ITLN1: variants seen among roughly 807,000 people sequenced by gnomAD.
ITLN1 encodes intelectin-1.
A neutral mutation model predicts 36.2 loss-of-function variants in ITLN1; 29 were observed. The ratio of observed to expected loss-of-function variants is 0.80; its 90% CI spans 0.60 to 1.09. ITLN1 has a LOEUF of 1.09. Among genes scored for constraint, ITLN1 ranks in the 50% least tolerant of loss-of-function variants. The pLI, the probability that ITLN1 is intolerant of heterozygous loss-of-function variation, is 0.00. For missense variants in ITLN1, 358 were observed against 405.2 expected (o/e 0.88, Z 1.00); for synonymous variants, 143 against 146.5 (o/e 0.98, Z 0.17).
intron 4 of ITLN1, chr1:160,881,621 C>A (rs1670679480): frequency 1.0e-5 from 5 of 487,456 alleles, no homozygotes; most frequent in Non-Finnish European, 1.8e-5. Context: ...CGAGCCTGGC[C>A]AACATGGTGA....
intron 3 of ITLN1, 110 bp downstream of exon 3, chr1:160,883,318 A>G (rs1453395630): frequency 4.5e-6 from 3 of 672,676 alleles, no homozygotes; most frequent in Non-Finnish European, 7.7e-6. Flanking sequence ...TATGTAAATT[A>G]TAATATACAT....
Position 160,881,918 on chromosome 1 carries a change from T to C in ITLN1, c.405+39A>G, listed in dbSNP as rs755315530. The C allele has an allele frequency of 3.8e-6, 6 of 1,585,824 alleles. No individual in the cohort carries two copies. In the South Asian group the frequency reaches 6.6e-5, roughly 18 times the overall value. ...AGGCTTGTGGCCAGCCACACTCCAC[T>C]CCTCACCCTCACCCGAGTGGGTAAG... is the stretch of plus-strand genomic sequence containing the variant. On this transcript the variant is annotated intron_variant, in intron 4 of 7. Coordinates refer to ENST00000326245, the MANE Select transcript of ITLN1 (RefSeq NM_017625.3).
chr1:160,884,704 T>C, intron 2 of ITLN1, 116 bp downstream of exon 2: 1 of 711,742 alleles, frequency 1.4e-6, no homozygotes, highest in Non-Finnish European at 2.5e-6. Context: ...CGGCACTCAG[T>C]CTACATGCAA....
Position 160,879,299 on chromosome 1 carries a change from A to G in ITLN1, c.789+12T>C, listed in dbSNP as rs959134636. On this transcript the variant is annotated intron_variant, in intron 7 of 7. Transcript: ENST00000326245. ...TTACTCACAGGTCCCTGCAGTCCCCACAGAGACTCACGTGCTCAGTGTTAC... is the reference window on the plus strand; with the variant it reads ...TTACTCACAGGTCCCTGCAGTCCCCGCAGAGACTCACGTGCTCAGTGTTAC... 3.7e-6 allele frequency: 6 copies of G among 1,602,842 alleles called. No homozygotes were observed. In the Admixed American group the frequency reaches 1.0e-4, roughly 27 times the overall value.
intron 3 of ITLN1, 83 bp from the exon 4 acceptor site, chr1:160,882,287 C>T (rs1319744516): frequency 6.7e-7 from 1 of 1,502,962 alleles, no homozygotes; most frequent in Non-Finnish European, 8.9e-7. Flanking sequence ...GCCCTAGGAA[C>T]CAGAGACATG....
At chr1:160,879,501 G>T in intron 6 of ITLN1, 87 bp from the exon 7 acceptor site, 1 of 1,003,606 alleles carries the variant, frequency 1.0e-6, no homozygotes, top group Non-Finnish European at 1.6e-6. Context: ...CGATGCCAAA[G>T]CTCAGGCTAC....
chr1:160,884,951 G>T, intron 1 of ITLN1, 68 bp from the exon 2 acceptor site: 1 of 1,024,418 alleles, frequency 9.8e-7, no homozygotes, highest in African/African-American at 1.6e-5. Flanking sequence ...CCCCACCCCT[G>T]TCCAGTCTTA....
In ITLN1 at chr1:160,880,675, A is replaced by G. The variant is rs753947148; in HGVS notation, c.598T>C (p.Trp200Arg). 4.5e-5 allele frequency: 72 copies of G among 1,614,048 alleles called. 1 individual carries two copies. The highest frequency in any genetic ancestry group is 1.6e-4 in the Middle Eastern group (1 of 6,084). The change falls in exon 6 of 8, where the codon TGG (tryptophan) becomes CGG (arginine). Residue 200 changes from tryptophan to arginine, a missense_variant. Coordinates refer to ENST00000326245, the MANE Select transcript of ITLN1 (RefSeq NM_017625.3). The stretch of plus-strand genomic sequence containing the variant: ...GGGATCACCGGGCCGTTGTCAGTCC[A>G]ACACTTTCCTTCTCCATATTTCACT... The part of the protein sequence containing the change: ...YPVKYGEGKC[W>R]TDNGPVIPVV...
chr1:160,882,300 C>T (rs1037317996), intron 3 of ITLN1, 96 bp from the exon 4 acceptor site: 8 of 1,470,290 alleles, frequency 5.4e-6, no homozygotes, highest in Non-Finnish European at 5.5e-6. Flanking sequence ...GAGACATGGC[C>T]TAAAGGCTCC....
At chr1:160,882,315 C>CCTG in intron 3 of ITLN1, 111 bp from the exon 4 acceptor site, 1 of 1,390,942 alleles carries the variant, frequency 7.2e-7, no homozygotes, top group South Asian at 1.5e-5. Flanking sequence ...GGCTCCTGTC[C>CCTG]TGACTCACAT....
chr1:160,883,548 T>C, intron 2 of ITLN1, 22 bp from the exon 3 acceptor site: 1 of 1,528,252 alleles, frequency 6.5e-7, no homozygotes. Context: ...ACAGGGTTTA[T>C]TCTCATTCCC....
At chr1:160,882,306 G>T (rs1670694439) in intron 3 of ITLN1, 102 bp from the exon 4 acceptor site, 3 of 1,450,750 alleles carry the variant, frequency 2.1e-6, no homozygotes, top group Non-Finnish European at 2.8e-6. Flanking sequence ...TGGCCTAAAG[G>T]CTCCTGTCCT....
chr1:160,876,632 AG>A lies in ITLN1; in HGVS notation c.*31del. On this transcript the variant is annotated 3_prime_UTR_variant, in exon 8 of 8. Coordinates refer to ENST00000326245, the MANE Select transcript of ITLN1 (RefSeq NM_017625.3). The stretch of plus-strand genomic sequence containing the variant: ...CCATCCTTGGGATCTCATGGTTGGG[AG>A]GAGAGGTCTGGGTTCCCTCCCACAA... 6.2e-7 allele frequency: 1 copy of A among 1,611,224 alleles called. No homozygotes were observed. The highest frequency in any genetic ancestry group is 1.1e-5 in the South Asian group (1 of 90,840).
rs1670641787 is a variant in ITLN1 at position 160,879,333 on chromosome 1, A to G, written c.767T>C (p.Val256Ala). 6.2e-7 allele frequency: 1 copy of G among 1,613,958 alleles called. No homozygotes were observed. The highest frequency in any genetic ancestry group is 1.3e-5 in the African/African-American group (1 of 74,990). ...AANALCAGMR[V>A]TGCNTEHHCI... ...CACGTGCTCAGTGTTACATCCGGTG[A>G]CCCTCATTCCAGCACACAAGGCGTT... The change falls in exon 7 of 8, where the codon GTC becomes GCC. Residue 256 changes from valine (V) to alanine (A), a missense_variant. Transcript: ENST00000326245.
chr1:160,880,016 T>C (rs1237634832), intron 6 of ITLN1, among the ~76,000 whole-genome samples: 2 of 152,084 alleles, frequency 1.3e-5, no homozygotes, highest in Non-Finnish European at 2.9e-5. Flanking sequence ...GTCTGGAGTC[T>C]GGAGCCTGGC....
In ITLN1 at chr1:160,882,013, A is replaced by G. The variant is rs1319893163; in HGVS notation, c.349T>C (p.Trp117Arg). 6.2e-7 allele frequency: 1 copy of G among 1,613,950 alleles called. No individual in the cohort carries two copies. Among genetic ancestry groups the G allele is most frequent in the African/African-American group, 1.3e-5 (1 of 74,872 alleles). ...GATCCAAAGGTGTTGTAGTTGGCCC[A>G]GTTGCCGTCCCCCTCTGGGTAGACT... ...KAVYPEGDGN[W>R]ANYNTFGSAE... Residue 117 changes from tryptophan (W) to arginine (R), a missense_variant, in exon 4 of 8, where the codon TGG (tryptophan) becomes CGG (arginine). Transcript: ENST00000326245.
intron 7 of ITLN1, among the ~76,000 whole-genome samples, chr1:160,878,782 G>C: frequency 6.6e-6 from 1 of 152,132 alleles, no homozygotes; most frequent in East Asian, 1.9e-4. Flanking sequence ...GGATTCCTGA[G>C]CCTTAACATT....
intron 4 of ITLN1, 177 bp from the exon 5 acceptor site, chr1:160,881,489 G>T: frequency 1.6e-6 from 1 of 633,762 alleles, no homozygotes; most frequent in Non-Finnish European, 2.5e-6. Flanking sequence ...GGCCCTAACA[G>T]CCTTGTTAGG....
chr1:160,876,770 T>A lies in ITLN1; in HGVS notation c.836A>T (p.Gln279Leu). 1 of 1,614,198 alleles carries A rather than the reference T, an allele frequency of 6.2e-7. No homozygotes were observed. The highest frequency in any genetic ancestry group is 1.1e-5 in the South Asian group (1 of 91,084). The change falls in exon 8 of 8, where the codon CAG becomes CTG. Residue 279 changes from glutamine to leucine, a missense_variant. Coordinates refer to ENST00000326245, the MANE Select transcript of ITLN1 (RefSeq NM_017625.3). The stretch of plus-strand genomic sequence containing the variant: ...ATCAAAACCAGAAAAATCTCCACAC[T>A]GCTGGGGACTGGCCTCTGGAAAGTA... ...GGYFPEASPQ[Q>L]CGDFSGFDWS...
Sources: allele counts gnomAD v4.1 joint callset (sites outside exome capture counted in the v4.1 genomes callset), GRCh38; gene constraint gnomAD v4.1.1; transcripts MANE v1.5; gene names NCBI Gene and HGNC (gene_info 2026-07-23, HGNC 2026-07-21).